GBE1: variants seen among roughly 807,000 people sequenced by gnomAD.
GBE1 encodes the protein 1,4-alpha-glucan-branching enzyme.
GBE1 carries 70 observed loss-of-function variants against 88.8 expected under a neutral mutation model. The ratio of observed to expected loss-of-function variants is 0.79; its 90% CI spans 0.65 to 0.96. The LOEUF is 0.96. Among genes scored for constraint, GBE1 ranks in the 40% least tolerant of loss-of-function variants. GBE1 has a pLI of 0.00. For synonymous variants in GBE1, 284 were observed against 300.1 expected (o/e 0.95, Z 0.56); for missense variants, 872 against 871.0 (o/e 1.00, Z -0.01).
chr3:81,493,536 T>C (rs1340319507), intron 15 of GBE1, among the ~76,000 whole-genome samples: 1 of 151,976 alleles, frequency 6.6e-6, no homozygotes, highest in East Asian at 1.9e-4. Context: ...TAAATTTTTT[T>C]TTTTTTTTCT....
intron 1 of GBE1, among the ~76,000 whole-genome samples, chr3:81,750,621 A>ATG (rs1706504562): frequency 2.9e-5 from 2 of 69,426 alleles, no homozygotes; most frequent in African/African-American, 9.1e-5. Context: ...ATATATGTAT[A>ATG]TATATATACG....
intron 3 of GBE1, among the ~76,000 whole-genome samples, chr3:81,656,953 C>G (rs1704946979): frequency 6.6e-6 from 1 of 151,896 alleles, no homozygotes; most frequent in South Asian, 2.1e-4. Flanking sequence ...GTCAGAAGTT[C>G]CAGACCAGCC....
At position 81,556,296 on chromosome 3, in the gene GBE1, A is replaced by G. The variant is rs1310508360; in HGVS notation, c.1619-19201T>C. 2.6e-5 allele frequency among the ~76,000 whole-genome samples: 4 copies of G among 152,106 alleles called. No individual in the cohort carries two copies. The East Asian group carries it at 7.7e-4, about 29-fold the overall frequency. ...ACAATATAAACAAAGCTATTCATAG[A>G]TAAATGAAATTCCTCACCTAGAGAG... On this transcript the variant is annotated intron_variant, in intron 12 of 15. Coordinates refer to ENST00000429644, the MANE Select transcript of GBE1 (RefSeq NM_000158.4).
At chr3:81,600,299 A>T (rs919588774) in intron 7 of GBE1, among the ~76,000 whole-genome samples, 1 of 152,134 alleles carries the variant, frequency 6.6e-6, no homozygotes, top group South Asian at 2.1e-4. Flanking sequence ...TGACTAAATA[A>T]GCTATTATAA....
At chr3:81,668,023 C>T (rs1387782780) in intron 3 of GBE1, among the ~76,000 whole-genome samples, 5 of 152,096 alleles carry the variant, frequency 3.3e-5, no homozygotes, top group South Asian at 4.1e-4. Context: ...ATACACACCA[C>T]GGAATACTAT....
intron 1 of GBE1, among the ~76,000 whole-genome samples, chr3:81,721,242 T>C (rs1417969104): frequency 3.2e-5 from 2 of 61,544 alleles, no homozygotes; most frequent in East Asian, 2.0e-3. Context: ...TAAAAACACA[T>C]GAAAAAAAAA....
intron 14 of GBE1, among the ~76,000 whole-genome samples, chr3:81,527,604 A>G (rs565649393): frequency 6.6e-6 from 1 of 152,316 alleles, no homozygotes; most frequent in East Asian, 1.9e-4. Context: ...CAGCCAAAAG[A>G]CACATGAAAA....
chr3:81,655,740 G>A (rs765001685), intron 3 of GBE1, among the ~76,000 whole-genome samples: 25 of 152,102 alleles, frequency 1.6e-4, no homozygotes, highest in South Asian at 1.0e-3. Flanking sequence ...GGCTGCTCTC[G>A]AACTCCTGAC....
chr3:81,504,461 A>C (rs1304322870), intron 14 of GBE1, among the ~76,000 whole-genome samples: 1 of 150,014 alleles, frequency 6.7e-6, no homozygotes, highest in Admixed American at 6.8e-5. Context: ...TACCTTGTTC[A>C]ACTGGAAAAA....
At chr3:81,612,592 G>C in intron 7 of GBE1, 1 of 644,156 alleles carries the variant, frequency 1.6e-6, no homozygotes, top group Non-Finnish European at 2.9e-6. Context: ...GGATGTTGGC[G>C]ATCAGTTCTG....
In GBE1 at chr3:81,711,643, C is replaced by T. The variant is rs1471847142; in HGVS notation, c.144-6030G>A. Among the ~76,000 whole-genome samples, 9 of 152,212 alleles carry T rather than the reference C, an allele frequency of 5.9e-5. No homozygotes were observed. The East Asian group carries it at 1.4e-3, about 23-fold the overall frequency. On this transcript the variant is annotated intron_variant, in intron 1 of 15. Transcript: ENST00000429644. Reference sequence around the variant, plus strand: ...ACTGGATCCCTTCCTTACACTTATACAAAAATTAATTCAAAATGGATTAAA... The same window carrying T: ...ACTGGATCCCTTCCTTACACTTATATAAAAATTAATTCAAAATGGATTAAA...
At chr3:81,719,568 T>G (rs1304697524) in intron 1 of GBE1, among the ~76,000 whole-genome samples, 2 of 152,180 alleles carry the variant, frequency 1.3e-5, no homozygotes, top group East Asian at 3.8e-4. Flanking sequence ...ATGATTTTAA[T>G]TGCCCAGAGA....
chr3:81,498,859 AAC>A lies in GBE1; in HGVS notation c.2052+249_2052+250del, dbSNP rs200093347. 3.7e-3 allele frequency among the ~76,000 whole-genome samples: 563 copies of A among 152,276 alleles called. 3 individuals are homozygous for A. The highest frequency in any genetic ancestry group is 0.024 in the Middle Eastern group (7 of 294). ...ACTGCCTTCTGCTCATTTCTTGAGA[AAC>A]AGTTTTGAATCCTATTAATATTTAA... On this transcript the variant is annotated intron_variant, in intron 15 of 15. Transcript: ENST00000429644.
intron 12 of GBE1, among the ~76,000 whole-genome samples, chr3:81,568,773 C>T (rs781471414): frequency 1.3e-4 from 20 of 151,596 alleles, no homozygotes; most frequent in Non-Finnish European, 2.8e-4. Context: ...TAGACACGAA[C>T]GTGTGTGTGT....
intron 7 of GBE1, among the ~76,000 whole-genome samples, chr3:81,600,015 T>C (rs182282065): frequency 2.2e-3 from 334 of 152,358 alleles, no homozygotes; most frequent in Non-Finnish European, 3.1e-3. Flanking sequence ...GGCTCATGCC[T>C]GTAATCCCAG....
intron 12 of GBE1, among the ~76,000 whole-genome samples, chr3:81,556,221 A>G (rs1371990538): frequency 1.3e-5 from 2 of 152,230 alleles, no homozygotes; most frequent in East Asian, 1.9e-4. Context: ...AATATCTTAC[A>G]TATTTAATGT....
At chr3:81,755,208 T>C (rs1438486010) in intron 1 of GBE1, among the ~76,000 whole-genome samples, 1 of 152,052 alleles carries the variant, frequency 6.6e-6, no homozygotes, top group Non-Finnish European at 1.5e-5. Context: ...GACAGGTGTA[T>C]GAAAAAAATG....
intron 15 of GBE1, among the ~76,000 whole-genome samples, chr3:81,496,552 A>G (rs820274): frequency 0.97 from 147,705 of 152,282 alleles, 71,807 homozygotes; most frequent in East Asian, 1. Context: ...TTTAGTCTGC[A>G]AGTATGGGAG....
chr3:81,543,908 A>G (rs1703172418), intron 12 of GBE1, among the ~76,000 whole-genome samples: 1 of 152,184 alleles, frequency 6.6e-6, no homozygotes, highest in Non-Finnish European at 1.5e-5. Flanking sequence ...AGGTACACAT[A>G]TGTACATAAT....
Sources: gnomAD v4.1 joint callset for allele counts (sites outside exome capture counted in the v4.1 genomes callset) on GRCh38, gnomAD v4.1.1 for gene constraint, MANE v1.5 for transcripts, NCBI Gene and HGNC (gene_info 2026-07-23, HGNC 2026-07-21) for gene names.